Variants in ADGRF5 observed in about 807,000 individuals in gnomAD.
The protein encoded by ADGRF5 is adhesion G protein-coupled receptor F5, also known as G-protein coupled receptor 116.
In ADGRF5, 75 loss-of-function variants were observed where a neutral mutation model predicts 132.3. The ratio of observed to expected loss-of-function variants is 0.57; its 90% CI spans 0.47 to 0.69. The LOEUF is 0.69. Among genes scored for constraint, ADGRF5 ranks in the 30% least tolerant of loss-of-function variants. The probability of loss-of-function intolerance (pLI) is 0.00; values close to 1 mark genes in which losing one functional copy is unlikely to be tolerated. For missense variants in ADGRF5, 1,516 were observed against 1,630.6 expected (o/e 0.93, Z 1.21); for synonymous variants, 629 against 597.6 (o/e 1.05, Z -0.77).
Position 46,906,641 on chromosome 6 carries a change from C to A in ADGRF5, c.102+20G>T. The A allele has an allele frequency of 8.7e-7, 1 of 1,152,288 alleles. No homozygotes were observed. 71.4% of individuals were successfully genotyped at this position (1,152,288 alleles called of 1,614,324 possible). A position where few individuals can be genotyped will look rare whatever the true frequency, so the allele number is the denominator to read the frequency against. On this transcript the variant is annotated intron_variant, in intron 2 of 20. Coordinates refer to ENST00000283296, the MANE Select transcript of ADGRF5 (RefSeq NM_001098518.2). ...AAAAATGTGACAAGAAAAATTATAG[C>A]AGATATGGATATAACTCACCAAAGG...
intron 10 of ADGRF5, among the ~76,000 whole-genome samples, chr6:46,877,306 T>TCTCTCCTTCC (rs369575219): frequency 6.5e-5 from 5 of 77,200 alleles, no homozygotes; most frequent in African/African-American, 1.7e-4. Flanking sequence ...TCTCTCTCTC[T>TCTCTCCTTCC]TTCCTTCCTT....
intron 3 of ADGRF5, among the ~76,000 whole-genome samples, chr6:46,893,450 T>C (rs145782086): frequency 7.2e-5 from 11 of 152,224 alleles, no homozygotes; most frequent in Non-Finnish European, 1.3e-4. Context: ...GTGACCCACA[T>C]AGCGGTGGGG....
At chr6:46,861,852 C>A (rs1328783218) in intron 15 of ADGRF5, among the ~76,000 whole-genome samples, 1 of 152,086 alleles carries the variant, frequency 6.6e-6, no homozygotes, top group African/African-American at 2.4e-5. Flanking sequence ...ACATCGAGTT[C>A]AGATTACAAT....
chr6:46,886,542 G>T (rs1248527738), intron 4 of ADGRF5: 1 of 152,170 alleles, frequency 6.6e-6, no homozygotes, highest in East Asian at 1.9e-4. Flanking sequence ...AATGGAAAAA[G>T]TTACCACTTC....
At chr6:46,938,990 C>A (rs1357112373) in intron 1 of ADGRF5, among the ~76,000 whole-genome samples, 2 of 152,006 alleles carry the variant, frequency 1.3e-5, no homozygotes, top group African/African-American at 4.8e-5. Context: ...CCTGCCTCAG[C>A]CTCCCAAGTA....
intron 1 of ADGRF5, among the ~76,000 whole-genome samples, chr6:46,932,965 A>G (rs1442724542): frequency 6.6e-6 from 1 of 152,246 alleles, no homozygotes; most frequent in Non-Finnish European, 1.5e-5. Context: ...ATGAAAAACA[A>G]CAATGGCTCT....
intron 7 of ADGRF5, 37 bp downstream of exon 7, chr6:46,882,012 C>A (rs375925103): frequency 9.8e-6 from 14 of 1,427,222 alleles, no homozygotes; most frequent in Non-Finnish European, 1.4e-5. Flanking sequence ...TGGATCCCAG[C>A]CATAAATTAG....
chr6:46,909,861 G>A (rs1218903444), intron 1 of ADGRF5, among the ~76,000 whole-genome samples: 2 of 151,746 alleles, frequency 1.3e-5, no homozygotes, highest in Non-Finnish European at 2.9e-5. Flanking sequence ...ATAGCCAGGT[G>A]CACTGGCATG....
At chr6:46,916,253 A>G (rs1289145019) in intron 1 of ADGRF5, among the ~76,000 whole-genome samples, 1 of 152,140 alleles carries the variant, frequency 6.6e-6, no homozygotes, top group African/African-American at 2.4e-5. Context: ...TCTTTGCTAC[A>G]TATTAGGCAT....
At position 46,892,834 on chromosome 6, in the gene ADGRF5, G is replaced by A. The variant is rs142606790; in HGVS notation, c.158-4329C>T. Among the ~76,000 whole-genome samples the A allele has an allele frequency of 5.5e-3, 830 of 152,206 alleles. 10 individuals carry two copies. Among genetic ancestry groups the A allele is most frequent in the South Asian group, 0.032 (154 of 4,822 alleles). On this transcript the variant is annotated intron_variant, in intron 3 of 20. Transcript: ENST00000283296. ...ACACTCATGTATTTTGATATTAAGC[G>A]TTGCTCCGCTCATCTGTTTGTTCCT... is the stretch of plus-strand genomic sequence containing the variant.
intron 1 of ADGRF5, among the ~76,000 whole-genome samples, chr6:46,921,247 G>A (rs1776910029): frequency 6.6e-6 from 1 of 152,216 alleles, no homozygotes; most frequent in Non-Finnish European, 1.5e-5. Context: ...TCCCGAAGCT[G>A]AGCGAATAGC....
At chr6:46,942,818 C>A (rs1778145809) in intron 1 of ADGRF5, among the ~76,000 whole-genome samples, 2 of 152,136 alleles carry the variant, frequency 1.3e-5, no homozygotes, top group African/African-American at 4.8e-5. Flanking sequence ...TACAAGTCCA[C>A]AGCTGAGATC....
intron 17 of ADGRF5, 40 bp from the exon 18 acceptor site, chr6:46,856,948 T>C (rs1340742660): frequency 2.0e-6 from 3 of 1,472,236 alleles, no homozygotes; most frequent in Non-Finnish European, 2.8e-6. Flanking sequence ...ATTTTAATTA[T>C]AGTCTATTGT....
At chr6:46,870,714 C>G (rs1002181184) in intron 11 of ADGRF5, 94 of 262,768 alleles carry the variant, frequency 3.6e-4, no homozygotes, top group African/African-American at 1.8e-3. Context: ...TCCAAACTAC[C>G]AGACTAGTGA....
upstream of ADGRF5, among the ~76,000 whole-genome samples, chr6:46,925,969 C>G (rs983349354): frequency 6.6e-6 from 1 of 151,904 alleles, no homozygotes; most frequent in Non-Finnish European, 1.5e-5. Context: ...CCTTTTGACC[C>G]AAGGTCAGCT....
chr6:46,891,632 T>C (rs574437778), intron 3 of ADGRF5, among the ~76,000 whole-genome samples: 5 of 152,208 alleles, frequency 3.3e-5, no homozygotes, highest in Non-Finnish European at 5.9e-5. Context: ...AAAATATCAA[T>C]GCCTGCCTGA....
chr6:46,948,549 A>G (rs750984677), intron 1 of ADGRF5, among the ~76,000 whole-genome samples: 6 of 151,450 alleles, frequency 4.0e-5, no homozygotes, highest in Non-Finnish European at 7.4e-5. Flanking sequence ...GTGTACACAG[A>G]TTTATGGCTT....
chr6:46,918,435 C>T (rs114543340), intron 1 of ADGRF5, among the ~76,000 whole-genome samples: 4,524 of 152,294 alleles, frequency 0.03, 221 homozygotes, highest in African/African-American at 0.1. Flanking sequence ...GACTTATCAT[C>T]TATTCATATT....
At chr6:46,855,803 C>A (rs1321855298) in intron 20 of ADGRF5, among the ~76,000 whole-genome samples, 171 bp downstream of exon 20, 4 of 152,074 alleles carry the variant, frequency 2.6e-5, no homozygotes, top group Admixed American at 2.6e-4. Context: ...CCCTCTGTAC[C>A]CACTTTTTGG....
Sources: allele counts gnomAD v4.1 joint callset (sites outside exome capture counted in the v4.1 genomes callset), GRCh38; gene constraint gnomAD v4.1.1; transcripts MANE v1.5; gene names NCBI Gene and HGNC (gene_info 2026-07-23, HGNC 2026-07-21).